Variants in AGBL4 observed in about 807,000 individuals in gnomAD.
AGBL4 encodes AGBL carboxypeptidase 4.
In AGBL4, 58 loss-of-function variants were observed where a neutral mutation model predicts 66.4. The ratio of observed to expected loss-of-function variants is 0.87; its 90% CI spans 0.71 to 1.09. The LOEUF (loss-of-function observed/expected upper bound fraction) is 1.09, where lower values mean the gene tolerates loss of function less well. Among genes scored for constraint, AGBL4 ranks in the 50% least tolerant of loss-of-function variants. The pLI, the probability that AGBL4 is intolerant of heterozygous loss-of-function variation, is 0.00. For synonymous variants in AGBL4, 234 were observed against 222.9 expected (o/e 1.05, Z -0.44); for missense variants, 579 against 631.0 (o/e 0.92, Z 0.88).
chr1:49,011,559 C>G (rs2149006913), intron 5 of AGBL4, among the ~76,000 whole-genome samples: 1 of 152,280 alleles, frequency 6.6e-6, no homozygotes, highest in East Asian at 1.9e-4. Context: ...ATAAATCATG[C>G]TGCTATAAAG....
intron 2 of AGBL4, among the ~76,000 whole-genome samples, chr1:49,761,726 G>A (rs1652333265): frequency 6.6e-6 from 1 of 152,058 alleles, no homozygotes; most frequent in South Asian, 2.1e-4. Flanking sequence ...CTCTCTTATA[G>A]CTTTTTAAAA....
intron 3 of AGBL4, among the ~76,000 whole-genome samples, chr1:49,269,441 T>G (rs1379508311): frequency 6.6e-6 from 1 of 152,230 alleles, no homozygotes. Context: ...GTGGGAAATC[T>G]GTGTCTGCAG....
intron 3 of AGBL4, among the ~76,000 whole-genome samples, chr1:49,403,129 A>G (rs189893525): frequency 2.6e-5 from 4 of 152,310 alleles, no homozygotes; most frequent in East Asian, 1.9e-4. Flanking sequence ...TTCTTTAGCT[A>G]TAATAGTATT....
intron 3 of AGBL4, among the ~76,000 whole-genome samples, chr1:49,278,359 T>G (rs1475961024): frequency 6.6e-6 from 1 of 152,176 alleles, no homozygotes; most frequent in Non-Finnish European, 1.5e-5. Context: ...AAAGCTTTGG[T>G]GGATAACAAA....
chr1:48,734,522 G>T (rs918790877), intron 6 of AGBL4, among the ~76,000 whole-genome samples: 1 of 152,270 alleles, frequency 6.6e-6, no homozygotes, highest in East Asian at 1.9e-4. Flanking sequence ...GCTGCTTACT[G>T]TGGCCTTCCC....
intron 9 of AGBL4, among the ~76,000 whole-genome samples, chr1:48,613,373 C>T (rs1212811463): frequency 6.6e-6 from 1 of 152,088 alleles, no homozygotes; most frequent in Non-Finnish European, 1.5e-5. Flanking sequence ...AACTGGGGTC[C>T]AACGAGGGCA....
At chr1:49,032,170 GAT>G (rs1224952342) in intron 5 of AGBL4, among the ~76,000 whole-genome samples, 1 of 152,144 alleles carries the variant, frequency 6.6e-6, no homozygotes, top group East Asian at 1.9e-4. Flanking sequence ...GTGGGATAGA[GAT>G]AGGTTGAAGA....
At chr1:48,987,085 C>G (rs1486657149) in intron 5 of AGBL4, among the ~76,000 whole-genome samples, 1 of 151,420 alleles carries the variant, frequency 6.6e-6, no homozygotes, top group East Asian at 1.9e-4. Flanking sequence ...TACTCCATAA[C>G]CATAACCATA....
At chr1:49,713,000 T>C (rs370709372) in intron 2 of AGBL4, among the ~76,000 whole-genome samples, 1 of 152,082 alleles carries the variant, frequency 6.6e-6, no homozygotes, top group Non-Finnish European at 1.5e-5. Flanking sequence ...AAGTAATATA[T>C]AGTTGCCTCC....
intron 2 of AGBL4, among the ~76,000 whole-genome samples, chr1:49,720,340 TA>T (rs960271380): frequency 2.0e-4 from 30 of 152,218 alleles, no homozygotes; most frequent in African/African-American, 7.2e-4. Context: ...AAAATCTTTT[TA>T]AAAATCTAAA....
intron 4 of AGBL4, among the ~76,000 whole-genome samples, chr1:49,169,253 T>G (rs1646688541): frequency 6.6e-6 from 1 of 152,202 alleles, no homozygotes; most frequent in Admixed American, 6.5e-5. Context: ...TGTAGCACAG[T>G]ACTTACCCTC....
chr1:48,575,863 C>CACTCA (rs1210740763), intron 11 of AGBL4, among the ~76,000 whole-genome samples: 1 of 152,220 alleles, frequency 6.6e-6, no homozygotes, highest in East Asian at 1.9e-4. Flanking sequence ...AGGCTACAGC[C>CACTCA]ACTCAGTTCT....
At position 48,534,117 on chromosome 1, in the gene AGBL4, C is replaced by A. The variant is rs752544723; in HGVS notation, c.*56G>T. The A allele has an allele frequency of 1.0e-5, 16 of 1,550,760 alleles. No homozygotes were observed. The South Asian group carries it at 1.7e-4, about 16-fold the overall frequency. On this transcript the variant is annotated 3_prime_UTR_variant, in exon 14 of 14. Coordinates refer to ENST00000371839, the MANE Select transcript of AGBL4 (RefSeq NM_032785.4). ...CTAGAGAAGAGTGATTAATTTCATT[C>A]CCCAGCAGAAAATGCATGCTCCTGT...
In AGBL4 at chr1:49,846,835, T is replaced by G. The variant is rs111625652; in HGVS notation, c.157+4561A>C. 1.8e-3 allele frequency among the ~76,000 whole-genome samples: 275 copies of G among 152,296 alleles called. 4 individuals carry two copies. Among genetic ancestry groups the G allele is most frequent in the African/African-American group, 6.2e-3 (257 of 41,572 alleles). Reference sequence around the variant, plus strand: ...TCATGGAGCAGAAGAATTAATACTGTTAAAGTGATCACACTGCCCAAAGCA... The same window carrying G: ...TCATGGAGCAGAAGAATTAATACTGGTAAAGTGATCACACTGCCCAAAGCA... On this transcript the variant is annotated intron_variant, in intron 2 of 13. Transcript: ENST00000371839.
At position 48,736,662 on chromosome 1, in the gene AGBL4, T is replaced by C. The variant is rs1028232910; in HGVS notation, c.635-73421A>G. Among the ~76,000 whole-genome samples the C allele has an allele frequency of 1.8e-4, 28 of 152,198 alleles. No homozygotes were observed. The highest frequency in any genetic ancestry group is 2.4e-4 in the African/African-American group (10 of 41,444). On this transcript the variant is annotated intron_variant, in intron 6 of 13. Transcript: ENST00000371839. This position sits in a 1 kb window ranked among gnomAD's most constrained non-coding sequence, Gnocchi z 4.0. ...TTATTCTAGGGCTTTATATTTGCTA[T>C]CTTAAATCTTCATGGCAATTGTGGA...
chr1:49,021,077 T>C (rs2149021878), intron 5 of AGBL4, among the ~76,000 whole-genome samples: 1 of 152,310 alleles, frequency 6.6e-6, no homozygotes, highest in East Asian at 1.9e-4. Context: ...AATATTTCCA[T>C]GATCCTATTA....
At chr1:48,781,310 C>T (rs773400812) in intron 6 of AGBL4, among the ~76,000 whole-genome samples, 68 of 152,142 alleles carry the variant, frequency 4.5e-4, no homozygotes, top group Non-Finnish European at 2.4e-4. Flanking sequence ...TACCCTTGGA[C>T]GGCACCAGAA....
At chr1:49,302,557 CATTTT>C (rs1416527565) in intron 3 of AGBL4, among the ~76,000 whole-genome samples, 1 of 149,432 alleles carries the variant, frequency 6.7e-6, no homozygotes, top group Non-Finnish European at 1.5e-5. Flanking sequence ...GCCCAGCCCA[CATTTT>C]ATTTTATTTT....
chr1:48,640,646 C>T (rs528310069), intron 8 of AGBL4, among the ~76,000 whole-genome samples: 21 of 152,168 alleles, frequency 1.4e-4, no homozygotes, highest in South Asian at 6.2e-4. Flanking sequence ...AGATATAGAC[C>T]TGGGATTTGA....
Sources: gnomAD v4.1 joint callset for allele counts (sites outside exome capture counted in the v4.1 genomes callset) on GRCh38, gnomAD v4.1.1 for gene constraint, Gnocchi (gnomAD v3.1) non-coding constraint, MANE v1.5 for transcripts, NCBI Gene and HGNC (gene_info 2026-07-23, HGNC 2026-07-21) for gene names.